The following PXDNL variants were observed in gnomAD, a reference collection of about 807,000 sequenced individuals.
The protein encoded by PXDNL is probable oxidoreductase PXDNL.
Under a neutral mutation model 150.8 loss-of-function variants are expected in PXDNL, and 145 were observed. The ratio of observed to expected loss-of-function variants is 0.96; its 90% CI spans 0.84 to 1.10. The LOEUF (loss-of-function observed/expected upper bound fraction) is 1.10, where lower values mean the gene tolerates loss of function less well. PXDNL is among the 50% of genes least tolerant of loss of function. The pLI, the probability that PXDNL is intolerant of heterozygous loss-of-function variation, is 0.00. For missense variants in PXDNL, 2,087 were observed against 1,873.9 expected, an observed-to-expected ratio of 1.11 and a Z score of -2.10; for synonymous variants, 757 against 725.7, an observed-to-expected ratio of 1.04 and a Z score of -0.69.
chr8:51,749,701 TA>T (rs1413405280), intron 1 of PXDNL, among the ~76,000 whole-genome samples: 7 of 152,042 alleles, frequency 4.6e-5, no homozygotes, highest in African/African-American at 7.2e-5. Context: ...AAACTTATTT[TA>T]TTTATTTATT....
chr8:51,552,461 A>T (rs1427424808), intron 4 of PXDNL, among the ~76,000 whole-genome samples: 1 of 152,186 alleles, frequency 6.6e-6, no homozygotes, highest in Non-Finnish European at 1.5e-5. Flanking sequence ...TGGAAAACGA[A>T]AATGTGGTAT....
chr8:51,436,076 ACCTTTTGAAAGGTTCTTGCC>A, intron 12 of PXDNL: 1 of 514,192 alleles, frequency 1.9e-6, no homozygotes. Flanking sequence ...ATGACTGGAA[ACCTTTTGAAAGGTTCTTGCC>A]CCTTTTGTCT....
At chr8:51,714,980 T>A (rs1048096652) in intron 1 of PXDNL, among the ~76,000 whole-genome samples, 1 of 152,232 alleles carries the variant, frequency 6.6e-6, no homozygotes, top group African/African-American at 2.4e-5. Flanking sequence ...AAACCCTTCA[T>A]GAGTTTCCAC....
At chr8:51,622,414 C>T (rs1814277716) in intron 2 of PXDNL, among the ~76,000 whole-genome samples, 1 of 152,084 alleles carries the variant, frequency 6.6e-6, no homozygotes, top group African/African-American at 2.4e-5. Flanking sequence ...TGCTATGCTG[C>T]CATTGAAAAT....
chr8:51,492,937 G>A (rs966392758), intron 5 of PXDNL, among the ~76,000 whole-genome samples: 1 of 152,136 alleles, frequency 6.6e-6, no homozygotes, highest in African/African-American at 2.4e-5. Context: ...GAGAGTAGTG[G>A]TTCTCCCAGC....
At chr8:51,528,271 C>A (rs1416503619) in intron 4 of PXDNL, among the ~76,000 whole-genome samples, 1 of 131,396 alleles carries the variant, frequency 7.6e-6, no homozygotes, top group Non-Finnish European at 1.8e-5. Context: ...CAAATAATTT[C>A]ACTTAAGGAT....
At chr8:51,372,832 TTCAATTTTAAATGAAAGGATACAA>T (rs1418305125) in intron 18 of PXDNL, among the ~76,000 whole-genome samples, 1 of 152,254 alleles carries the variant, frequency 6.6e-6, no homozygotes, top group Non-Finnish European at 1.5e-5. Context: ...AATAAGCACA[TTCAATTTTAAATGAAAGGATACAA>T]TCAATTTTAA....
intron 8 of PXDNL, among the ~76,000 whole-genome samples, chr8:51,469,181 C>T (rs753046520): frequency 2.6e-5 from 4 of 151,916 alleles, no homozygotes; most frequent in Non-Finnish European, 4.4e-5. Context: ...ATTTCATTGT[C>T]GTCTGTCTGA....
At chr8:51,480,057 T>C (rs970498405) in intron 6 of PXDNL, among the ~76,000 whole-genome samples, 1 of 152,228 alleles carries the variant, frequency 6.6e-6, no homozygotes, top group Admixed American at 6.5e-5. Flanking sequence ...TTGATTAAAC[T>C]CAAAGATTAC....
chr8:51,457,362 T>C, intron 9 of PXDNL, 136 bp downstream of exon 9: 1 of 720,370 alleles, frequency 1.4e-6, no homozygotes, highest in South Asian at 2.7e-5. Flanking sequence ...AAAATTCAAG[T>C]TTCTCTAAAA....
At chr8:51,354,487 T>C (rs917358467) in intron 19 of PXDNL, among the ~76,000 whole-genome samples, 3 of 152,112 alleles carry the variant, frequency 2.0e-5, no homozygotes, top group African/African-American at 7.2e-5. Flanking sequence ...AAATTGATGT[T>C]AAAATGTCAA....
chr8:51,429,714 A>T, intron 12 of PXDNL, among the ~76,000 whole-genome samples: 1 of 134,604 alleles, frequency 7.4e-6, no homozygotes. Context: ...TTTATGAGAC[A>T]TGGTCTCACT....
chr8:51,765,081 T>C (rs1300244250), intron 1 of PXDNL, among the ~76,000 whole-genome samples: 1 of 152,210 alleles, frequency 6.6e-6, no homozygotes, highest in Non-Finnish European at 1.5e-5. Flanking sequence ...GTATGTTGTC[T>C]GATATTACTA....
chr8:51,644,075 G>C (rs1034559594), intron 2 of PXDNL, among the ~76,000 whole-genome samples: 1 of 151,604 alleles, frequency 6.6e-6, no homozygotes, highest in African/African-American at 2.4e-5. Context: ...GAACCTGGGA[G>C]GCAGAGCTTA....
Position 51,563,496 on chromosome 8 carries a change from T to C in PXDNL, c.309-6585A>G, listed in dbSNP as rs551181338. On this transcript the variant is annotated intron_variant, in intron 3 of 22. Transcript: ENST00000356297. ...CACACTGGGTCTTAGGGCTTCAAGATAGGAGTCTTGGGAGGATACAAACAT... is the reference window on the plus strand; with the variant it reads ...CACACTGGGTCTTAGGGCTTCAAGACAGGAGTCTTGGGAGGATACAAACAT... Among the ~76,000 whole-genome samples, 16 of 152,040 alleles carry C rather than the reference T, an allele frequency of 1.1e-4. No homozygotes were observed. The East Asian group carries it at 2.9e-3, about 28-fold the overall frequency.
chr8:51,639,377 CA>C (rs1269730174), intron 2 of PXDNL, among the ~76,000 whole-genome samples: 5 of 152,090 alleles, frequency 3.3e-5, no homozygotes, highest in South Asian at 4.2e-4. Flanking sequence ...GAGATACAGA[CA>C]CAAAAAACCC....
chr8:51,440,711 T>C (rs759432669), intron 12 of PXDNL, among the ~76,000 whole-genome samples: 1 of 152,090 alleles, frequency 6.6e-6, no homozygotes, highest in Non-Finnish European at 1.5e-5. Context: ...CACATTTGAG[T>C]CTGAATTGGG....
chr8:51,591,530 CTTCTCT>C (rs968630974), intron 3 of PXDNL, among the ~76,000 whole-genome samples: 2 of 152,100 alleles, frequency 1.3e-5, no homozygotes, highest in African/African-American at 2.4e-5. Flanking sequence ...GGAATGGTGT[CTTCTCT>C]TTAAGAGAAT....
At chr8:51,608,556 G>A (rs2130706868) in intron 2 of PXDNL, among the ~76,000 whole-genome samples, 1 of 147,224 alleles carries the variant, frequency 6.8e-6, no homozygotes, top group African/African-American at 2.6e-5. Context: ...AAGTATTGCA[G>A]GCCGGGCGCG....
Sources: gnomAD v4.1 joint callset for allele counts (sites outside exome capture counted in the v4.1 genomes callset) on GRCh38, gnomAD v4.1.1 for gene constraint, MANE v1.5 for transcripts, NCBI Gene and HGNC (gene_info 2026-07-23, HGNC 2026-07-21) for gene names.